The following TOM1 variants were observed in gnomAD, a reference collection of about 807,000 sequenced individuals.
TOM1 encodes target of myb1 membrane trafficking protein, also known as target of Myb protein 1.
In TOM1, 38 loss-of-function variants were observed where a neutral mutation model predicts 61.3. The ratio of observed to expected loss-of-function variants is 0.62; its 90% CI spans 0.48 to 0.81. The LOEUF is 0.81. Ranked by LOEUF, TOM1 falls within the 40% of genes least tolerant of loss-of-function variation. The pLI, the probability that TOM1 is intolerant of heterozygous loss-of-function variation, is 0.00. For missense variants in TOM1, 591 were observed against 659.6 expected (o/e 0.90, Z 1.14); for synonymous variants, 270 against 268.8 (o/e 1.00, Z -0.04).
intron 1 of TOM1, among the ~76,000 whole-genome samples, chr22:35,303,848 T>G (rs926372032): frequency 5.3e-5 from 8 of 152,178 alleles, no homozygotes; most frequent in Non-Finnish European, 1.5e-5. Context: ...CGTCCCACTC[T>G]GTTAGTGGTT....
Position 35,346,932 on chromosome 22 carries a change from T to G in TOM1, c.1287T>G (p.Gly429=), listed in dbSNP as rs743810. 435,538 of 1,611,030 alleles carry G rather than the reference T, an allele frequency of 0.27. 64,931 individuals carry two copies. Among genetic ancestry groups the G allele is most frequent in the African/African-American group, 0.61 (45,389 of 74,848 alleles). Residue 429 remains glycine, a splice_region_variant and synonymous_variant, in exon 14 of 15, where the codon GGT becomes GGG. Transcript: ENST00000449058. ...CTCCTTTCCTTCTACCTTCCCAGGG[T>G]AATGATGCGGAAGAGCCTAAGGGGG... ...DIEQWLSTDV[G]NDAEEPKGVT...
At chr22:35,327,210 T>C (rs972202964) in intron 6 of TOM1, 61 bp from the exon 7 acceptor site, 2 of 1,514,416 alleles carry the variant, frequency 1.3e-6, no homozygotes, top group Non-Finnish European at 1.8e-6. Context: ...GTTCTGTCGC[T>C]GTGAGTAACA....
At chr22:35,342,760 CCA>C (rs1156571437) in intron 12 of TOM1, among the ~76,000 whole-genome samples, 21 of 149,914 alleles carry the variant, frequency 1.4e-4, no homozygotes, top group Admixed American at 1.2e-3. Context: ...TACACACACA[CCA>C]CACACACATC....
intron 12 of TOM1, among the ~76,000 whole-genome samples, chr22:35,340,912 G>A (rs1159737170): frequency 3.9e-5 from 6 of 152,228 alleles, no homozygotes; most frequent in African/African-American, 1.4e-4. Flanking sequence ...AGGACGCTGG[G>A]GTGGGCCATC....
At chr22:35,329,004 G>A (rs2145678817) in intron 7 of TOM1, among the ~76,000 whole-genome samples, 2 of 152,282 alleles carry the variant, frequency 1.3e-5, no homozygotes, top group East Asian at 1.9e-4. Flanking sequence ...CACCCAGGCT[G>A]GAGTGCAGTG....
At chr22:35,327,652 A>T (rs1475127560) in intron 7 of TOM1, among the ~76,000 whole-genome samples, 1 of 152,202 alleles carries the variant, frequency 6.6e-6, no homozygotes, top group Non-Finnish European at 1.5e-5. Context: ...TTCATGGCAC[A>T]AGTTTGATGT....
chr22:35,328,161 G>C (rs1928506122), intron 7 of TOM1, among the ~76,000 whole-genome samples: 1 of 152,230 alleles, frequency 6.6e-6, no homozygotes, highest in Non-Finnish European at 1.5e-5. Context: ...TGACCGAGCT[G>C]ACTCTGCAGG....
chr22:35,333,254 G>A, intron 9 of TOM1, 150 bp from the exon 10 acceptor site: 1 of 829,290 alleles, frequency 1.2e-6, no homozygotes, highest in Non-Finnish European at 1.9e-6. Flanking sequence ...GGAGCCAGAG[G>A]GGAGGAAGGA....
chr22:35,335,978 C>G (rs1929288428), intron 11 of TOM1, among the ~76,000 whole-genome samples: 2 of 152,272 alleles, frequency 1.3e-5, no homozygotes, highest in Middle Eastern at 3.4e-3. Context: ...AGATGCTCTT[C>G]ACACAGGGAA....
At chr22:35,333,368 C>G (rs373781855) in intron 9 of TOM1, 36 bp from the exon 10 acceptor site, 1 of 1,588,290 alleles carries the variant, frequency 6.3e-7, no homozygotes, top group Admixed American at 1.7e-5. Flanking sequence ...AAGCTGCAGA[C>G]AGCGGGGATG....
chr22:35,335,351 C>T (rs1358267439), intron 11 of TOM1, among the ~76,000 whole-genome samples: 2 of 152,210 alleles, frequency 1.3e-5, no homozygotes, highest in East Asian at 3.8e-4. Context: ...TCTCCACACC[C>T]ACAAATCCAG....
Position 35,347,319 on chromosome 22 carries a change from C to G in TOM1, c.*110C>G. 1 of 1,201,912 alleles carries G rather than the reference C, an allele frequency of 8.3e-7. No individual in the cohort carries two copies. The highest frequency in any genetic ancestry group is 1.1e-6 in the Non-Finnish European group (1 of 876,120). 74.5% of individuals were successfully genotyped at this position (1,201,912 alleles called of 1,614,324 possible). The stretch of plus-strand genomic sequence containing the variant: ...GGCTGCTTTGGGGGTGGCTTGTTAC[C>G]CCCTTTTCCTCCTCTTTGAAGACGG... On this transcript the variant is annotated 3_prime_UTR_variant, in exon 15 of 15. Coordinates refer to ENST00000449058, the MANE Select transcript of TOM1 (RefSeq NM_005488.3).
rs1327809014 is a variant in TOM1, at chr22:35,323,326, T to C, written c.366+149T>C. On this transcript the variant is annotated intron_variant, in intron 4 of 14. Coordinates refer to ENST00000449058, the MANE Select transcript of TOM1 (RefSeq NM_005488.3). The surrounding 1 kb of genome is among the most constrained non-coding windows in gnomAD (Gnocchi z 4.2). The stretch of plus-strand genomic sequence containing the variant: ...GGTTGTCGGCTGGTGGGATGTTCTG[T>C]GGGGAGGGAGGCTTGCCAACTGCGT... 7.3e-7 allele frequency: 1 copy of C among 1,370,218 alleles called. No individual in the cohort carries two copies. The highest frequency in any genetic ancestry group is 1.0e-6 in the Non-Finnish European group (1 of 1,003,678). The allele number at this position is 1,370,218 out of a possible 1,614,324, so 84.9% of individuals were successfully genotyped here. A position where few individuals can be genotyped will look rare whatever the true frequency, so the allele number is the denominator to read the frequency against.
intron 8 of TOM1, 33 bp downstream of exon 8, chr22:35,330,513 A>G: frequency 6.3e-7 from 1 of 1,583,208 alleles, no homozygotes; most frequent in African/African-American, 1.3e-5. Flanking sequence ...CCTCTGGCCT[A>G]CTGCCCCAAC....
intron 7 of TOM1, among the ~76,000 whole-genome samples, chr22:35,329,749 A>C (rs1928651948): frequency 6.6e-6 from 1 of 152,236 alleles, no homozygotes; most frequent in African/African-American, 2.4e-5. Flanking sequence ...TGACTAAGCA[A>C]AGATGGTGGC....
chr22:35,322,894 G>T lies in TOM1; in HGVS notation c.217-134G>T, dbSNP rs1388034968. 4 of 1,044,828 alleles carry T rather than the reference G, an allele frequency of 3.8e-6. No individual in the cohort carries two copies. In the African/African-American group the frequency reaches 6.4e-5, roughly 17 times the overall value. The allele number at this position is 1,044,828 out of a possible 1,614,324, so 64.7% of individuals were successfully genotyped here. A position where few individuals can be genotyped will look rare whatever the true frequency, so the allele number is the denominator to read the frequency against. ...ATTGTCCCAGTCCTCCACATTCAAG[G>T]GTCTCACTCCAGGAAGTCCCATCTC... On this transcript the variant is annotated intron_variant, in intron 3 of 14. Transcript: ENST00000449058.
At chr22:35,321,869 C>G in intron 2 of TOM1, 90 bp from the exon 3 acceptor site, 1 of 1,082,606 alleles carries the variant, frequency 9.2e-7, no homozygotes, top group Non-Finnish European at 1.4e-6. Flanking sequence ...GGAGGATGGG[C>G]CAATAAGAAC....
chr22:35,337,262 G>A (rs546548267), intron 11 of TOM1, among the ~76,000 whole-genome samples: 5 of 152,288 alleles, frequency 3.3e-5, no homozygotes, highest in Non-Finnish European at 5.9e-5. Context: ...GAAATCATGG[G>A]TTTCTGCGTG....
Position 35,318,058 on chromosome 22 carries a change from T to G in TOM1, c.137+97T>G, listed in dbSNP as rs1336692742. 1.3e-5 allele frequency: 14 copies of G among 1,118,220 alleles called. No homozygotes were observed. The East Asian group carries it at 3.3e-4, about 26-fold the overall frequency. The allele number at this position is 1,118,220 out of a possible 1,614,324, so 69.3% of individuals were successfully genotyped here. The stretch of plus-strand genomic sequence containing the variant: ...CCAGGGAGCCCCTGCCCCAGCCCCA[T>G]TGCTGCCATAGCCACCAAGTCTGAC... On this transcript the variant is annotated intron_variant, in intron 2 of 14. Coordinates refer to ENST00000449058, the MANE Select transcript of TOM1 (RefSeq NM_005488.3).
Sources: allele counts gnomAD v4.1 joint callset (sites outside exome capture counted in the v4.1 genomes callset), GRCh38; gene constraint gnomAD v4.1.1; non-coding constraint Gnocchi (gnomAD v3.1); transcripts MANE v1.5; gene names NCBI Gene and HGNC (gene_info 2026-07-23, HGNC 2026-07-21).